Variants in UPRT observed in about 807,000 individuals in gnomAD.
UPRT encodes RP11-311P8.3.
UPRT carries 5 observed loss-of-function variants against 22.6 expected under a neutral mutation model. The observed-to-expected ratio is 0.22, with a 90% CI of 0.12 to 0.47. The LOEUF (loss-of-function observed/expected upper bound fraction) is 0.47. Ranked by LOEUF, UPRT falls within the 20% of genes least tolerant of loss-of-function variation. The probability of loss-of-function intolerance (pLI) is 0.99; values close to 1 mark genes in which losing one functional copy is unlikely to be tolerated. For synonymous variants in UPRT, 77 were observed against 87.7 expected (o/e 0.88, Z 0.68); for missense variants, 181 against 239.9 (o/e 0.75, Z 1.62).
At chrX:75,255,236 A>G (rs766402318) in intron 4 of UPRT, among the ~76,000 whole-genome samples, 1 of 111,715 alleles carries the variant, frequency 9.0e-6, no homozygotes, top group Admixed American at 9.6e-5. Context: ...TCAGCGAAGA[A>G]TTTTGTATGC....
At chrX:75,279,611 ATTTGT>A (rs1202410554) in intron 1 of UPRT, among the ~76,000 whole-genome samples, 2 of 111,398 alleles carry the variant, frequency 1.8e-5, no homozygotes, top group Non-Finnish European at 3.8e-5. Context: ...TAATTTCAAC[ATTTGT>A]TTTATTTTTT....
intron 4 of UPRT, among the ~76,000 whole-genome samples, chrX:75,248,232 A>G (rs186570263): frequency 1.8e-5 from 2 of 112,059 alleles, no homozygotes; most frequent in Non-Finnish European, 3.8e-5. Flanking sequence ...TTGACGAGAG[A>G]AGAAGGCTTC....
At chrX:75,180,869 A>G (rs2082268320) in intron 4 of UPRT, among the ~76,000 whole-genome samples, 1 of 109,197 alleles carries the variant, frequency 9.2e-6, no homozygotes. Flanking sequence ...AGTTTACTTC[A>G]ATCCCATTTG....
intron 1 of UPRT, among the ~76,000 whole-genome samples, chrX:75,275,459 G>A: frequency 9.0e-6 from 1 of 111,266 alleles, no homozygotes; most frequent in East Asian, 2.9e-4. Flanking sequence ...GGGGTTGGGG[G>A]GACATGCCTT....
At chrX:75,283,002 A>T (rs1205423127) in intron 1 of UPRT, among the ~76,000 whole-genome samples, 1 of 112,021 alleles carries the variant, frequency 8.9e-6, no homozygotes, top group Non-Finnish European at 1.9e-5. Context: ...TTTCCATTGG[A>T]CAAGGCTTTT....
At chrX:75,273,404 C>G (rs2082618219), upstream of UPRT, among the ~76,000 whole-genome samples, 1 of 111,420 alleles carries the variant, frequency 9.0e-6, no homozygotes, top group Non-Finnish European at 1.9e-5. Context: ...CCGTAAGAAC[C>G]TGCATTTTAA....
chrX:75,257,892 C>T (rs1184611124), intron 4 of UPRT, among the ~76,000 whole-genome samples: 1 of 111,317 alleles, frequency 9.0e-6, no homozygotes, highest in Non-Finnish European at 1.9e-5. Flanking sequence ...GGTACCCGGT[C>T]CCTCTCACTG....
At chrX:75,195,391 C>A (rs1037293498) in intron 4 of UPRT, among the ~76,000 whole-genome samples, 3 of 112,242 alleles carry the variant, frequency 2.7e-5, no homozygotes, top group African/African-American at 9.7e-5. Flanking sequence ...GACTGCCCTG[C>A]ACTGTTCAGG....
intron 1 of UPRT, among the ~76,000 whole-genome samples, chrX:75,286,992 G>A (rs953484216): frequency 7.2e-5 from 8 of 111,390 alleles, no homozygotes; most frequent in African/African-American, 2.6e-4. Context: ...ATAGATGGTG[G>A]CCTCTGGAAA....
At chrX:75,190,852 C>T (rs1360029701) in intron 4 of UPRT, among the ~76,000 whole-genome samples, 1 of 111,580 alleles carries the variant, frequency 9.0e-6, no homozygotes, top group Non-Finnish European at 1.9e-5. Flanking sequence ...GACTTCTCTA[C>T]ACTGGTTATT....
intron 4 of UPRT, among the ~76,000 whole-genome samples, chrX:75,232,905 C>T (rs1162080947): frequency 2.0e-4 from 22 of 112,386 alleles, no homozygotes; most frequent in Non-Finnish European, 2.3e-4. Context: ...GAACGCAGTT[C>T]CTCACCAGCA....
chrX:75,300,816 T>TA (rs2082741622), intron 5 of UPRT, 51 bp from the exon 6 acceptor site: 1 of 1,031,587 alleles, frequency 9.7e-7, no homozygotes. Flanking sequence ...AAAAGACATT[T>TA]AAAAATGAAT....
intron 4 of UPRT, among the ~76,000 whole-genome samples, chrX:75,236,606 G>T (rs2082465651): frequency 8.9e-6 from 1 of 111,762 alleles, no homozygotes; most frequent in South Asian, 3.7e-4. Flanking sequence ...AAAAGATATA[G>T]ATCAATGGAA....
intron 2 of UPRT, among the ~76,000 whole-genome samples, chrX:75,162,053 T>C (rs2147599386): frequency 9.0e-6 from 1 of 111,239 alleles, no homozygotes; most frequent in South Asian, 3.8e-4. Flanking sequence ...AGAGTCATCA[T>C]GTGTATCCCT....
chrX:75,178,259 C>A (rs2082255828), intron 4 of UPRT, among the ~76,000 whole-genome samples: 1 of 112,016 alleles, frequency 8.9e-6, no homozygotes, highest in Admixed American at 9.4e-5. Flanking sequence ...TTTTAACTGG[C>A]CGACAGGTGC....
chrX:75,294,590 A>C lies in UPRT; in HGVS notation c.429+1076A>C, dbSNP rs776724576. 13 of 987,538 alleles carry C rather than the reference A, an allele frequency of 1.3e-5. No individual in the cohort carries two copies. The South Asian group carries it at 2.0e-4, about 15-fold the overall frequency. The allele number at this position is 987,538 out of a possible 1,213,427, so 81.4% of individuals were successfully genotyped here. A position where few individuals can be genotyped will look rare whatever the true frequency, so the allele number is the denominator to read the frequency against. ...TTTGCCTGAGGATTTATTCCAAAAG[A>C]GCATAGACAACTCCTGTTCTGCTTT... On this transcript the variant is annotated intron_variant, in intron 2 of 6. Coordinates refer to ENST00000373383, the MANE Select transcript of UPRT (RefSeq NM_145052.4).
chrX:75,288,592 C>G (rs1407780002), intron 1 of UPRT, among the ~76,000 whole-genome samples: 1 of 112,107 alleles, frequency 8.9e-6, no homozygotes, highest in Non-Finnish European at 1.9e-5. Flanking sequence ...ATCATCTCAA[C>G]AGCTGCAGAA....
chrX:75,198,517 G>C (rs1438686178), intron 4 of UPRT, among the ~76,000 whole-genome samples: 1 of 111,833 alleles, frequency 8.9e-6, no homozygotes, highest in Non-Finnish European at 1.9e-5. Flanking sequence ...AGTTGTTATA[G>C]CTGGGTGATA....
At chrX:75,290,157 C>G (rs2082700587) in intron 1 of UPRT, among the ~76,000 whole-genome samples, 1 of 112,015 alleles carries the variant, frequency 8.9e-6, no homozygotes, top group Non-Finnish European at 1.9e-5. Flanking sequence ...TAAACAGACA[C>G]TTTTCAAAAG....
Sources: gnomAD v4.1 joint callset for allele counts (sites outside exome capture counted in the v4.1 genomes callset) on GRCh38, gnomAD v4.1.1 for gene constraint, MANE v1.5 for transcripts, NCBI Gene and HGNC (gene_info 2026-07-23, HGNC 2026-07-21) for gene names.